The following PTPRD variants were observed in gnomAD, a reference collection of about 807,000 sequenced individuals.
The protein encoded by PTPRD is receptor-type tyrosine-protein phosphatase delta.
In PTPRD, 34 loss-of-function variants were observed where a neutral mutation model predicts 214.5. The observed-to-expected ratio is 0.16, with a 90% CI of 0.12 to 0.21. The LOEUF is 0.21. Ranked by LOEUF, PTPRD falls within the 10% of genes least tolerant of loss-of-function variation. PTPRD has a pLI of 1.00. For synonymous variants in PTPRD, 1,128 were observed against 845.7 expected (o/e 1.33, Z -5.79); for missense variants, 2,545 against 2,398.7 (o/e 1.06, Z -1.27).
intron 5 of PTPRD, among the ~76,000 whole-genome samples, chr9:9,845,020 A>G (rs1031944200): frequency 6.8e-6 from 1 of 146,716 alleles, no homozygotes; most frequent in African/African-American, 2.5e-5. Context: ...TACTGTATGT[A>G]TATATATACT....
At chr9:10,312,873 A>G (rs572570566) in intron 3 of PTPRD, among the ~76,000 whole-genome samples, 1 of 151,924 alleles carries the variant, frequency 6.6e-6, no homozygotes, top group South Asian at 2.1e-4. Context: ...TGAAATATAA[A>G]ATTTCTTGTC....
chr9:10,053,380 A>G (rs1478875463), intron 3 of PTPRD, among the ~76,000 whole-genome samples: 2 of 152,170 alleles, frequency 1.3e-5, no homozygotes, highest in African/African-American at 4.8e-5. Flanking sequence ...CCCCTCATGG[A>G]TATCAGTAGG....
intron 2 of PTPRD, among the ~76,000 whole-genome samples, chr9:10,453,666 T>C (rs532802663): frequency 6.6e-6 from 1 of 151,862 alleles, no homozygotes. Flanking sequence ...GCAACTTTAC[T>C]GAATTTATTA....
At chr9:10,130,555 C>A (rs890070534) in intron 3 of PTPRD, among the ~76,000 whole-genome samples, 9 of 152,120 alleles carry the variant, frequency 5.9e-5, no homozygotes, top group African/African-American at 2.2e-4. Context: ...ACTTAGTCAT[C>A]AACCAAATAT....
chr9:9,414,744 ATACTT>A (rs1353774928), intron 8 of PTPRD: 10 of 152,212 alleles, frequency 6.6e-5, no homozygotes, highest in Non-Finnish European at 1.3e-4. Context: ...TAATCAACAA[ATACTT>A]ACCAGGTAGC....
Position 9,862,772 on chromosome 9 carries a change from C to G in PTPRD, c.-368+75735G>C, listed in dbSNP as rs377664276. On this transcript the variant is annotated intron_variant, in intron 5 of 45. Transcript: ENST00000381196. ...CTCAAACACCAACCCTAACACTTAA[C>G]CAAAGTATGTATTGGATTTTTAAGA... Among the ~76,000 whole-genome samples the G allele has an allele frequency of 2.0e-5, 3 of 152,106 alleles. No homozygotes were observed. The South Asian group carries it at 6.2e-4, about 32-fold the overall frequency.
chr9:9,854,601 AT>A (rs1297329350), intron 5 of PTPRD, among the ~76,000 whole-genome samples: 1 of 152,082 alleles, frequency 6.6e-6, no homozygotes, highest in African/African-American at 2.4e-5. Context: ...ATTTATTATC[AT>A]TTTTTGTACT....
chr9:9,914,925 C>A (rs965667065), intron 5 of PTPRD, among the ~76,000 whole-genome samples: 6 of 152,116 alleles, frequency 3.9e-5, no homozygotes, highest in Non-Finnish European at 8.8e-5. Flanking sequence ...AACTGCATGC[C>A]CATGCTCCTA....
intron 11 of PTPRD, among the ~76,000 whole-genome samples, chr9:8,859,730 C>T (rs79162786): frequency 2.0e-5 from 3 of 151,510 alleles, no homozygotes; most frequent in Non-Finnish European, 2.9e-5. Context: ...TCCTCTGCCC[C>T]CTATGTACTC....
chr9:9,193,175 G>C (rs2099936286), intron 9 of PTPRD, among the ~76,000 whole-genome samples: 1 of 151,924 alleles, frequency 6.6e-6, no homozygotes. Flanking sequence ...TTTTATTTCT[G>C]GTAGCAAATT....
intron 3 of PTPRD, among the ~76,000 whole-genome samples, chr9:10,314,943 G>C (rs1357987966): frequency 6.6e-6 from 1 of 151,762 alleles, no homozygotes; most frequent in African/African-American, 2.4e-5. Context: ...CAGGGCTGTG[G>C]GACAAGATAA....
chr9:9,151,666 C>T (rs76683167), intron 10 of PTPRD, among the ~76,000 whole-genome samples: 5,108 of 152,204 alleles, frequency 0.034, 301 homozygotes, highest in African/African-American at 0.12. Flanking sequence ...TTGTAGACTA[C>T]GTTTTTAATG....
chr9:9,580,991 T>A (rs1316682310), intron 7 of PTPRD, among the ~76,000 whole-genome samples: 1 of 152,150 alleles, frequency 6.6e-6, no homozygotes, highest in African/African-American at 2.4e-5. Flanking sequence ...GTTCCCTGTG[T>A]TGATCAGATT....
intron 5 of PTPRD, among the ~76,000 whole-genome samples, chr9:9,922,020 G>T (rs1314120057): frequency 2.6e-5 from 4 of 152,092 alleles, no homozygotes; most frequent in African/African-American, 9.7e-5. Flanking sequence ...AATTGTGGAG[G>T]ATGGGAAGCA....
intron 3 of PTPRD, among the ~76,000 whole-genome samples, chr9:10,103,395 T>TATATATATACATATATATATATA (rs34926923): frequency 8.6e-6 from 1 of 116,698 alleles, no homozygotes; most frequent in African/African-American, 3.2e-5. Flanking sequence ...ATATATATAT[T>TATATATATACATATATATATATA]TATTTAAGAG....
intron 11 of PTPRD, among the ~76,000 whole-genome samples, chr9:8,786,033 T>TTGTG (rs34200290): frequency 0.067 from 9,658 of 143,114 alleles, 332 homozygotes; most frequent in East Asian, 0.11. Flanking sequence ...GCTTAATTTG[T>TTGTG]TGTGTGTGTG....
chr9:10,211,779 A>G (rs2099518241), intron 3 of PTPRD, among the ~76,000 whole-genome samples: 1 of 152,156 alleles, frequency 6.6e-6, no homozygotes, highest in Non-Finnish European at 1.5e-5. Context: ...ACAGAATAAT[A>G]GGCATTGGGA....
chr9:8,662,398 A>G (rs2097079723), intron 12 of PTPRD, among the ~76,000 whole-genome samples: 1 of 152,226 alleles, frequency 6.6e-6, no homozygotes, highest in Admixed American at 6.5e-5. Context: ...CTTGGGATCA[A>G]GAGACAAGGA....
At position 8,776,902 on chromosome 9, in the gene PTPRD, T is replaced by C. The variant is rs1284428379; in HGVS notation, c.-103-42956A>G. Reference sequence around the variant, plus strand: ...TAGTATATGAATATTATATAATACATATGTATAATATATGTATAATATATA... The same window carrying C: ...TAGTATATGAATATTATATAATACACATGTATAATATATGTATAATATATA... On this transcript the variant is annotated intron_variant, in intron 11 of 45. Coordinates refer to ENST00000381196, the MANE Select transcript of PTPRD (RefSeq NM_002839.4). 2.5e-4 allele frequency among the ~76,000 whole-genome samples: 5 copies of C among 20,048 alleles called. No homozygotes were observed. In the East Asian group the frequency reaches 3.1e-3, roughly 13 times the overall value. The allele number at this position is 20,048 out of a possible 152,430, so 13.2% of individuals were successfully genotyped here. A position where few individuals can be genotyped will look rare whatever the true frequency, so the allele number is the denominator to read the frequency against.
Sources: gnomAD v4.1 joint callset for allele counts (sites outside exome capture counted in the v4.1 genomes callset) on GRCh38, gnomAD v4.1.1 for gene constraint, MANE v1.5 for transcripts, NCBI Gene and HGNC (gene_info 2026-07-23, HGNC 2026-07-21) for gene names.